The following CYSLTR2 variants were observed in gnomAD, a reference collection of about 807,000 sequenced individuals.
The protein encoded by CYSLTR2 is G-protein coupled receptor GPCR21.
For missense variants in CYSLTR2, 398 were observed against 411.9 expected, an observed-to-expected ratio of 0.97 and a Z score of 0.29; for synonymous variants, 179 against 160.8, an observed-to-expected ratio of 1.11 and a Z score of -0.86.
intron 1 of CYSLTR2, among the ~76,000 whole-genome samples, chr13:48,689,242 C>A (rs1011540797): frequency 6.6e-6 from 1 of 152,196 alleles, no homozygotes; most frequent in East Asian, 1.9e-4. Flanking sequence ...TTTTGCTGTG[C>A]AGAAGCTCTT....
At chr13:48,678,530 C>G (rs1408661262) in intron 1 of CYSLTR2, among the ~76,000 whole-genome samples, 1 of 152,100 alleles carries the variant, frequency 6.6e-6, no homozygotes, top group Non-Finnish European at 1.5e-5. Flanking sequence ...GCGAGCCTCT[C>G]CACTCCTCTG....
chr13:48,666,927 A>G (rs1566083052), intron 1 of CYSLTR2, among the ~76,000 whole-genome samples: 1 of 152,100 alleles, frequency 6.6e-6, no homozygotes, highest in Non-Finnish European at 1.5e-5. Flanking sequence ...GTCTGTTACT[A>G]GAATTATTAT....
chr13:48,677,497 G>T (rs149675665), intron 1 of CYSLTR2, among the ~76,000 whole-genome samples: 2 of 152,274 alleles, frequency 1.3e-5, no homozygotes, highest in East Asian at 1.9e-4. Flanking sequence ...GAGTGGGAAG[G>T]TTGAGAGTCA....
chr13:48,683,701 T>C (rs1367075658), intron 1 of CYSLTR2, among the ~76,000 whole-genome samples: 1 of 152,198 alleles, frequency 6.6e-6, no homozygotes, highest in Non-Finnish European at 1.5e-5. Flanking sequence ...ACTCTGTTGA[T>C]AGTTTCTTTT....
At chr13:48,698,025 A>G (rs1254621730) in intron 4 of CYSLTR2, among the ~76,000 whole-genome samples, 1 of 152,226 alleles carries the variant, frequency 6.6e-6, no homozygotes, top group African/African-American at 2.4e-5. Flanking sequence ...ACTATGTGAA[A>G]AGACCAAAAC....
At chr13:48,688,065 T>C (rs1351660548) in intron 1 of CYSLTR2, among the ~76,000 whole-genome samples, 1 of 152,166 alleles carries the variant, frequency 6.6e-6, no homozygotes. Flanking sequence ...CCAATCTTTG[T>C]TCTCACTCCT....
intron 1 of CYSLTR2, among the ~76,000 whole-genome samples, chr13:48,658,723 A>G (rs1003822608): frequency 1.3e-5 from 2 of 152,194 alleles, no homozygotes; most frequent in African/African-American, 4.8e-5. Context: ...GCTCAGAAGA[A>G]ATGGGCAAGA....
At chr13:48,657,940 C>T (rs1044235577) in intron 1 of CYSLTR2, among the ~76,000 whole-genome samples, 2 of 151,982 alleles carry the variant, frequency 1.3e-5, no homozygotes, top group African/African-American at 4.8e-5. Context: ...ACCTGAATAA[C>T]ATTGTATCCC....
chr13:48,692,811 C>T (rs1954071812), intron 2 of CYSLTR2, among the ~76,000 whole-genome samples: 1 of 151,244 alleles, frequency 6.6e-6, no homozygotes, highest in African/African-American at 2.4e-5. Flanking sequence ...TAAACAGTTT[C>T]AATATATAAA....
chr13:48,672,621 T>TTTC lies in CYSLTR2; in HGVS notation c.-265-18589_-265-18588insCTT, dbSNP rs1953469210. Among the ~76,000 whole-genome samples, 7 of 96,860 alleles carry TTTC rather than the reference T, an allele frequency of 7.2e-5. No individual in the cohort carries two copies. The East Asian group carries it at 9.5e-4, about 13-fold the overall frequency. The allele number at this position is 96,860 out of a possible 152,430, so 63.5% of individuals were successfully genotyped here. On this transcript the variant is annotated intron_variant, in intron 1 of 4. Coordinates refer to ENST00000682523, the MANE Select transcript of CYSLTR2 (RefSeq NM_001308476.3). The stretch of plus-strand genomic sequence containing the variant: ...AGTTTCTTTTCTTTTCTTTTCTTTT[T>TTTC]TTTTTTTTTTTTTTGAGACAGAATC...
chr13:48,680,574 C>T (rs1007850104), intron 1 of CYSLTR2, among the ~76,000 whole-genome samples: 1 of 152,150 alleles, frequency 6.6e-6, no homozygotes, highest in African/African-American at 2.4e-5. Context: ...AGTCTTCATT[C>T]TGTATTTGTT....
chr13:48,707,497 T>A lies in CYSLTR2; in HGVS notation c.680T>A (p.Val227Asp), dbSNP rs747690569. ...LSICYLLIIR[V>D]LLKVEVPESG... Reference sequence around the variant, plus strand: ...ATCTGTTATCTGCTGATCATTCGGGTTCTGTTAAAAGTGGAGGTCCCAGAA... The same window carrying A: ...ATCTGTTATCTGCTGATCATTCGGGATCTGTTAAAAGTGGAGGTCCCAGAA... Residue 227 changes from valine (V) to aspartate (D), a missense_variant, in exon 5 of 5, where the codon GTT becomes GAT. By Grantham distance (152) the Val-to-Asp change is radical (BLOSUM62 -3). Transcript: ENST00000682523. 1 of 1,612,488 alleles carries A rather than the reference T, an allele frequency of 6.2e-7. No homozygotes were observed. Among genetic ancestry groups the A allele is most frequent in the South Asian group, 1.1e-5 (1 of 91,084 alleles).
chr13:48,694,938 C>T (rs970593173), intron 3 of CYSLTR2: 3 of 152,066 alleles, frequency 2.0e-5, no homozygotes, highest in African/African-American at 4.8e-5. Context: ...TCAAGCCACA[C>T]CTTTTTTTCC....
chr13:48,695,317 C>T (rs550033190), intron 3 of CYSLTR2, among the ~76,000 whole-genome samples: 1 of 146,754 alleles, frequency 6.8e-6, no homozygotes, highest in East Asian at 2.0e-4. Context: ...CTTTCTCTCT[C>T]TTTTTCTTTT....
In CYSLTR2 at chr13:48,707,693, C is replaced by T. The variant is rs760788182; in HGVS notation, c.876C>T (p.Ala292=). 8 of 1,613,870 alleles carry T rather than the reference C, an allele frequency of 5.0e-6. No homozygotes were observed. Among genetic ancestry groups the T allele is most frequent in the South Asian group, 2.2e-5 (2 of 91,070 alleles). ...ATAAAGCTTTGGTTATCACACTGGC[C>T]TTGGCAGCAGCCAATGCCTGCTTCA... ...RLHKALVITL[A]LAAANACFNP... The change falls in exon 5 of 5, where the codon GCC becomes GCT. Residue 292 remains alanine, a synonymous_variant. Coordinates refer to ENST00000682523, the MANE Select transcript of CYSLTR2 (RefSeq NM_001308476.3).
chr13:48,709,765 G>A lies in CYSLTR2; in HGVS notation c.*1907G>A, dbSNP rs1245315054. On this transcript the variant is annotated 3_prime_UTR_variant, in exon 5 of 5. Coordinates refer to ENST00000682523, the MANE Select transcript of CYSLTR2 (RefSeq NM_001308476.3). Reference sequence around the variant, plus strand: ...AAATAAGAGATTAAACCAAGATAGAGGAAAACACAGTAGCTGGGAAACAAG... The same window carrying A: ...AAATAAGAGATTAAACCAAGATAGAAGAAAACACAGTAGCTGGGAAACAAG... 1.3e-5 allele frequency: 2 copies of A among 152,154 alleles called. No individual in the cohort carries two copies. Among genetic ancestry groups the A allele is most frequent in the East Asian group, 3.9e-4 (2 of 5,188 alleles). The allele number at this position is 152,154 out of a possible 1,614,324, so 9.4% of individuals were successfully genotyped here.
chr13:48,684,807 A>G (rs1489428819), intron 1 of CYSLTR2, among the ~76,000 whole-genome samples: 1 of 152,210 alleles, frequency 6.6e-6, no homozygotes, highest in East Asian at 1.9e-4. Flanking sequence ...CCCTAAGCCC[A>G]ATATGACTAG....
chr13:48,695,053 A>G (rs982254746), intron 3 of CYSLTR2, among the ~76,000 whole-genome samples: 1 of 136,898 alleles, frequency 7.3e-6, no homozygotes, highest in African/African-American at 2.8e-5. Flanking sequence ...AGACCATGGT[A>G]TATCAGAACC....
Position 48,707,361 on chromosome 13 carries a change from G to A in CYSLTR2, c.544G>A (p.Gly182Ser), listed in dbSNP as rs201906229. The A allele has an allele frequency of 2.5e-5, 40 of 1,613,910 alleles. No individual in the cohort carries two copies. Among genetic ancestry groups the A allele is most frequent in the Non-Finnish European group, 3.1e-5 (37 of 1,180,020 alleles). Reference sequence around the variant, plus strand: ...CCTGGACAGTGGCTCTGAGCAGAACGGCAGTGTCACATCATGCTTAGAGCT... The same window carrying A: ...CCTGGACAGTGGCTCTGAGCAGAACAGCAGTGTCACATCATGCTTAGAGCT... ...MLLDSGSEQN[G>S]SVTSCLELNL... Residue 182 changes from glycine (G) to serine (S), a missense_variant, in exon 5 of 5, where the codon GGC becomes AGC. By Grantham distance (56) the Gly-to-Ser change is moderately conservative. Transcript: ENST00000682523.
Sources: allele counts gnomAD v4.1 joint callset (sites outside exome capture counted in the v4.1 genomes callset), GRCh38; gene constraint gnomAD v4.1.1; transcripts MANE v1.5; gene names NCBI Gene and HGNC (gene_info 2026-07-23, HGNC 2026-07-21).